The following C6orf52 variants were observed in gnomAD, a reference collection of about 807,000 sequenced individuals.
The protein encoded by C6orf52 is chromosome 6 open reading frame 52, also known as putative uncharacterized protein C6orf52.
In C6orf52, 16 loss-of-function variants were observed where a neutral mutation model predicts 16.6. The ratio of observed to expected loss-of-function variants is 0.96; its 90% confidence interval spans 0.65 to 1.46. The LOEUF (loss-of-function observed/expected upper bound fraction) is 1.46, where lower values mean the gene tolerates loss of function less well. Ranked by LOEUF, C6orf52 falls within the 40% of genes most tolerant of loss-of-function variation. The pLI is 0.00. For synonymous variants in C6orf52, 53 were observed against 61.4 expected (o/e 0.86, Z 0.64); for missense variants, 166 against 182.3 (o/e 0.91, Z 0.52).
At chr6:10,675,414 T>G (rs1218787806) in intron 4 of C6orf52, among the ~76,000 whole-genome samples, 3 of 152,238 alleles carry the variant, frequency 2.0e-5, no homozygotes, top group Admixed American at 6.5e-5. Context: ...CGCATTTTCT[T>G]TATCCATTCA....
chr6:10,676,531 G>A (rs1393193713), intron 4 of C6orf52, among the ~76,000 whole-genome samples: 2 of 152,178 alleles, frequency 1.3e-5, no homozygotes, highest in African/African-American at 4.8e-5. Flanking sequence ...TCAAAATGGC[G>A]GCTCCATCTT....
Position 10,671,503 on chromosome 6 carries a change from G to A in C6orf52, c.412C>T (p.Pro138Ser). Residue 138 changes from proline to serine, a missense_variant, in exon 5 of 5, where the codon CCT becomes TCT. Transcript: ENST00000259983. ...ATTTCGGAGTGAACTGTGTCCAGAG[G>A]CTGCCAGTGGCAATTCATGAGGGAG... is the stretch of plus-strand genomic sequence containing the variant. ...YDSLMNCHWQPLDTVHSEIPD... is the reference protein window; with the variant it reads ...YDSLMNCHWQSLDTVHSEIPD... The A allele has an allele frequency of 6.4e-7, 1 of 1,551,002 alleles. No individual in the cohort carries two copies. The highest frequency in any genetic ancestry group is 8.7e-7 in the Non-Finnish European group (1 of 1,146,668).
chr6:10,687,700 C>T, intron 1 of C6orf52, 139 bp from the exon 2 acceptor site: 1 of 608,798 alleles, frequency 1.6e-6, no homozygotes, highest in Non-Finnish European at 2.9e-6. Context: ...TCCTGCTAGG[C>T]AATTAATTGC....
rs765605572 is a variant in C6orf52, at chr6:10,683,167, C to G, written c.316+20G>C. 12 of 1,516,418 alleles carry G rather than the reference C, an allele frequency of 7.9e-6. No homozygotes were observed. The highest frequency in any genetic ancestry group is 7.5e-5 in the South Asian group (6 of 79,904). 93.9% of individuals were successfully genotyped at this position (1,516,418 alleles called of 1,614,324 possible). A position where few individuals can be genotyped will look rare whatever the true frequency, so the allele number is the denominator to read the frequency against. ...AATGGGGTTTTGTTTCCAACCACTT[C>G]AGCACAAGGTTTATGTTACCTTCTA... On this transcript the variant is annotated intron_variant, in intron 4 of 4. Transcript: ENST00000259983.
At chr6:10,680,146 TGGGAGGCTGAGATGGGA>T (rs1216260221) in intron 4 of C6orf52, among the ~76,000 whole-genome samples, 1 of 151,920 alleles carries the variant, frequency 6.6e-6, no homozygotes, top group Non-Finnish European at 1.5e-5. Context: ...CCCAGCTACT[TGGGAGGCTGAGATGGGA>T]GGATTGCTTG....
chr6:10,687,575 G>T lies in C6orf52; in HGVS notation c.-11-14C>A, dbSNP rs1008060231. ...TTTACCCAGAAACTTTACAAAAAGA[G>T]AGCAGAATCCAGTTTTTATTCCTGC... On this transcript the variant is annotated splice_polypyrimidine_tract_variant and intron_variant, in intron 1 of 4. Coordinates refer to ENST00000259983, the MANE Select transcript of C6orf52 (RefSeq NM_001145020.3). 4 of 1,508,640 alleles carry T rather than the reference G, an allele frequency of 2.7e-6. No individual in the cohort carries two copies. Among genetic ancestry groups the T allele is most frequent in the Non-Finnish European group, 3.6e-6 (4 of 1,109,820 alleles). The allele number at this position is 1,508,640 out of a possible 1,614,324, so 93.5% of individuals were successfully genotyped here. A position where few individuals can be genotyped will look rare whatever the true frequency, so the allele number is the denominator to read the frequency against.
chr6:10,694,146 G>A (rs1467011725), intron 1 of C6orf52, among the ~76,000 whole-genome samples: 2 of 151,668 alleles, frequency 1.3e-5, no homozygotes, highest in African/African-American at 4.9e-5. Flanking sequence ...TGTAATCCCA[G>A]CTACTCGGGA....
At chr6:10,682,910 C>T (rs982765934) in intron 4 of C6orf52, among the ~76,000 whole-genome samples, 1 of 152,184 alleles carries the variant, frequency 6.6e-6, no homozygotes, top group African/African-American at 2.4e-5. Flanking sequence ...TCTAAACTTA[C>T]AGAGGAAATG....
chr6:10,686,276 G>A (rs1390571633), intron 3 of C6orf52, among the ~76,000 whole-genome samples: 1 of 152,154 alleles, frequency 6.6e-6, no homozygotes, highest in Non-Finnish European at 1.5e-5. Flanking sequence ...TACATAGTTC[G>A]TTCTTGCCCA....
At chr6:10,688,812 T>A (rs1561880906) in intron 1 of C6orf52, among the ~76,000 whole-genome samples, 8 of 152,178 alleles carry the variant, frequency 5.3e-5, no homozygotes, top group Admixed American at 5.2e-4. Context: ...TTGGGGTTTT[T>A]TGTTTTGTTT....
At chr6:10,683,462 G>A (rs998559075) in intron 3 of C6orf52, among the ~76,000 whole-genome samples, 1 of 152,166 alleles carries the variant, frequency 6.6e-6, no homozygotes, top group Admixed American at 6.5e-5. Flanking sequence ...TCACAAAGAG[G>A]AACAAGCCTA....
At chr6:10,687,745 G>T (rs936345289) in intron 1 of C6orf52, among the ~76,000 whole-genome samples, 184 bp from the exon 2 acceptor site, 6 of 152,130 alleles carry the variant, frequency 3.9e-5, no homozygotes, top group Admixed American at 1.3e-4. Context: ...AGGTGTGGGT[G>T]GGGGAGGGGT....
chr6:10,677,558 G>T (rs1377614922), intron 4 of C6orf52, among the ~76,000 whole-genome samples: 1 of 150,764 alleles, frequency 6.6e-6, no homozygotes, highest in East Asian at 2.0e-4. Flanking sequence ...CCAAGACAGG[G>T]TCTCACTTTG....
At chr6:10,674,198 T>C (rs1411241178) in intron 4 of C6orf52, among the ~76,000 whole-genome samples, 2 of 152,138 alleles carry the variant, frequency 1.3e-5, no homozygotes, top group East Asian at 3.9e-4. Flanking sequence ...TTTCCATTCA[T>C]GAGGGCTCTA....
At position 10,682,192 on chromosome 6, in the gene C6orf52, T is replaced by C. The variant is rs186273615; in HGVS notation, c.316+995A>G. 2.0e-4 allele frequency among the ~76,000 whole-genome samples: 30 copies of C among 152,332 alleles called. No homozygotes were observed. In the East Asian group the frequency reaches 5.8e-3, roughly 29 times the overall value. On this transcript the variant is annotated intron_variant, in intron 4 of 4. Transcript: ENST00000259983. Reference sequence around the variant, plus strand: ...ATCCACATGCCTAATTTTTCCTGGTTGTGAGACAAGGACCCAGATTTAGCT... The same window carrying C: ...ATCCACATGCCTAATTTTTCCTGGTCGTGAGACAAGGACCCAGATTTAGCT...
intron 1 of C6orf52, among the ~76,000 whole-genome samples, chr6:10,688,661 A>G (rs1358835327): frequency 6.6e-6 from 1 of 152,214 alleles, no homozygotes; most frequent in East Asian, 1.9e-4. Flanking sequence ...GAACCTACAC[A>G]CACCCTCCCA....
chr6:10,678,115 A>C (rs536190111), intron 4 of C6orf52, among the ~76,000 whole-genome samples: 30 of 141,716 alleles, frequency 2.1e-4, no homozygotes, highest in African/African-American at 7.6e-4. Flanking sequence ...ACCCTGGAGG[A>C]GGCGGTTGCA....
At chr6:10,693,945 C>G (rs1769597050) in intron 1 of C6orf52, among the ~76,000 whole-genome samples, 1 of 152,110 alleles carries the variant, frequency 6.6e-6, no homozygotes, top group African/African-American at 2.4e-5. Flanking sequence ...CTCAGGCTCA[C>G]TTTGTTTTCC....
At chr6:10,692,931 C>T (rs1368234760) in intron 1 of C6orf52, among the ~76,000 whole-genome samples, 1 of 152,168 alleles carries the variant, frequency 6.6e-6, no homozygotes, top group African/African-American at 2.4e-5. Flanking sequence ...TTGGCGTGGA[C>T]AAAGCTGGCA....
Sources: allele counts gnomAD v4.1 joint callset (sites outside exome capture counted in the v4.1 genomes callset), GRCh38; gene constraint gnomAD v4.1.1; transcripts MANE v1.5; gene names NCBI Gene and HGNC (gene_info 2026-07-23, HGNC 2026-07-21).